RAB31: variants seen among roughly 807,000 people sequenced by gnomAD.
RAB31 encodes ras-related protein Rab-31.
In RAB31, 21 loss-of-function variants were observed where a neutral mutation model predicts 25.6. That is an observed-to-expected ratio of 0.82 (90% CI 0.58 to 1.18). RAB31 has a LOEUF of 1.18. RAB31 is among the 50% of genes most tolerant of loss of function. The probability of loss-of-function intolerance (pLI) is 0.00; values close to 1 mark genes in which losing one functional copy is unlikely to be tolerated. For missense variants in RAB31, 196 were observed against 250.1 expected (o/e 0.78, Z 1.46); for synonymous variants, 87 against 84.0 (o/e 1.04, Z -0.20).
intron 3 of RAB31, among the ~76,000 whole-genome samples, chr18:9,803,842 G>A (rs951273506): frequency 2.6e-5 from 4 of 152,244 alleles, no homozygotes; most frequent in African/African-American, 4.8e-5. Context: ...GTCCACAGAC[G>A]TGGCCCCCAG....
chr18:9,744,343 C>T (rs1277127895), intron 1 of RAB31, among the ~76,000 whole-genome samples: 6 of 152,188 alleles, frequency 3.9e-5, no homozygotes, highest in East Asian at 1.9e-4. Flanking sequence ...CCCTCCAAGC[C>T]GTAGGAAAAG....
intron 1 of RAB31, among the ~76,000 whole-genome samples, chr18:9,730,817 A>C (rs2068119259): frequency 2.0e-5 from 3 of 152,254 alleles, no homozygotes; most frequent in South Asian, 4.1e-4. Flanking sequence ...GCAGGCATTC[A>C]TTTCCGTAAG....
At chr18:9,744,248 G>A (rs578245279) in intron 1 of RAB31, among the ~76,000 whole-genome samples, 2 of 152,100 alleles carry the variant, frequency 1.3e-5, no homozygotes, top group Non-Finnish European at 2.9e-5. Context: ...TCATACCTCC[G>A]TAAGTTGTAG....
chr18:9,855,439 T>C (rs1377663879), intron 6 of RAB31, among the ~76,000 whole-genome samples: 1 of 152,174 alleles, frequency 6.6e-6, no homozygotes. Context: ...TGTTTTTGTA[T>C]ATATTTTTGT....
Position 9,814,162 on chromosome 18 carries a change from G to C in RAB31, c.273+71G>C, listed in dbSNP as rs1228460568. 5.1e-6 allele frequency: 6 copies of C among 1,170,936 alleles called. No homozygotes were observed. In the South Asian group the frequency reaches 7.9e-5, roughly 15 times the overall value. The allele number at this position is 1,170,936 out of a possible 1,614,324, so 72.5% of individuals were successfully genotyped here. A position where few individuals can be genotyped will look rare whatever the true frequency, so the allele number is the denominator to read the frequency against. On this transcript the variant is annotated intron_variant, in intron 4 of 6. Transcript: ENST00000578921. ...TCTCACTTAGAGAGACTGGAGCAGAGACGTCACTGCTTGCATCTTGCCAGT... is the reference window on the plus strand; with the variant it reads ...TCTCACTTAGAGAGACTGGAGCAGACACGTCACTGCTTGCATCTTGCCAGT...
At chr18:9,740,294 A>G (rs1251168643) in intron 1 of RAB31, among the ~76,000 whole-genome samples, 1 of 152,276 alleles carries the variant, frequency 6.6e-6, no homozygotes, top group African/African-American at 2.4e-5. Context: ...CATAGAAATC[A>G]TCTACTTACC....
chr18:9,806,852 G>A (rs2068544325), intron 3 of RAB31, among the ~76,000 whole-genome samples: 1 of 152,214 alleles, frequency 6.6e-6, no homozygotes, highest in East Asian at 1.9e-4. Context: ...TGAGAAGATG[G>A]AAGTCCATTA....
At chr18:9,793,886 C>T (rs1880361168) in intron 3 of RAB31, among the ~76,000 whole-genome samples, 1 of 152,110 alleles carries the variant, frequency 6.6e-6, no homozygotes. Context: ...CACTCACTTC[C>T]TGCTTCATTT....
chr18:9,835,877 AT>A (rs953978029), intron 5 of RAB31, among the ~76,000 whole-genome samples: 1 of 152,158 alleles, frequency 6.6e-6, no homozygotes, highest in Non-Finnish European at 1.5e-5. Context: ...CATCTTGGGT[AT>A]TTAGAGAAAA....
intron 3 of RAB31, among the ~76,000 whole-genome samples, chr18:9,812,519 TAA>T (rs2068578205): frequency 6.6e-6 from 1 of 151,706 alleles, no homozygotes. Context: ...TAATAATTTA[TAA>T]GTGTCTCCTT....
intron 1 of RAB31, among the ~76,000 whole-genome samples, chr18:9,738,267 G>C (rs1193438610): frequency 6.6e-6 from 1 of 152,196 alleles, no homozygotes; most frequent in Non-Finnish European, 1.5e-5. Flanking sequence ...CTGGAGCAAA[G>C]AGTATTTTTT....
chr18:9,790,784 C>G (rs1332902407), intron 2 of RAB31, among the ~76,000 whole-genome samples: 1 of 152,182 alleles, frequency 6.6e-6, no homozygotes, highest in East Asian at 1.9e-4. Flanking sequence ...ACATTTGTGG[C>G]CAGAATGCTA....
intron 1 of RAB31, among the ~76,000 whole-genome samples, chr18:9,740,081 A>T (rs1171268541): frequency 6.6e-6 from 1 of 152,212 alleles, no homozygotes; most frequent in East Asian, 1.9e-4. Context: ...GACCAGCCTA[A>T]TGGATGAATC....
chr18:9,815,352 G>A (rs2068596411), intron 5 of RAB31, 130 bp downstream of exon 5: 2 of 190,498 alleles, frequency 1.0e-5, no homozygotes, highest in Non-Finnish European at 1.8e-5. Context: ...AGTGTCATCC[G>A]TGTAGATGCT....
chr18:9,786,623 GTGGTGGGAGAA>G (rs2068434596), intron 2 of RAB31: 2 of 152,276 alleles, frequency 1.3e-5, no homozygotes, highest in African/African-American at 4.8e-5. Context: ...TCTGCTGCTG[GTGGTGGGAGAA>G]CCCCCCACAG....
intron 1 of RAB31, among the ~76,000 whole-genome samples, chr18:9,716,296 C>T (rs563513181): frequency 3.7e-4 from 57 of 152,220 alleles, no homozygotes; most frequent in Admixed American, 4.6e-4. Flanking sequence ...CGCAGGCGAT[C>T]TCGAGTGGTC....
intron 3 of RAB31, among the ~76,000 whole-genome samples, chr18:9,803,252 T>G (rs2068523117): frequency 6.6e-6 from 1 of 151,810 alleles, no homozygotes; most frequent in African/African-American, 2.4e-5. Flanking sequence ...TTTTTTTTTT[T>G]TTAGGCAGGG....
chr18:9,747,875 A>G (rs372208355), intron 1 of RAB31, among the ~76,000 whole-genome samples: 2 of 152,256 alleles, frequency 1.3e-5, no homozygotes, highest in Non-Finnish European at 2.9e-5. Context: ...AGCACATACA[A>G]AAATTGATAT....
intron 6 of RAB31, among the ~76,000 whole-genome samples, chr18:9,857,542 A>G (rs1305979542): frequency 5.3e-5 from 8 of 150,892 alleles, no homozygotes; most frequent in Non-Finnish European, 7.4e-5. Context: ...AATCAATACC[A>G]CAACCAAAAA....
Sources: gnomAD v4.1 joint callset for allele counts (sites outside exome capture counted in the v4.1 genomes callset) on GRCh38, gnomAD v4.1.1 for gene constraint, MANE v1.5 for transcripts, NCBI Gene and HGNC (gene_info 2026-07-23, HGNC 2026-07-21) for gene names.